Variants in ATP6V0A1 observed in about 807,000 individuals in gnomAD.
The protein encoded by ATP6V0A1 is ATPase H+ transporting V0 subunit a1.
Under a neutral mutation model 105.4 loss-of-function variants are expected in ATP6V0A1, and 43 were observed. That is an observed-to-expected ratio of 0.41 (90% CI 0.32 to 0.53). The LOEUF is 0.53. ATP6V0A1 is among the 20% of genes least tolerant of loss of function. The pLI is 0.30. For synonymous variants in ATP6V0A1, 362 were observed against 372.8 expected, an observed-to-expected ratio of 0.97 and a Z score of 0.33; for missense variants, 676 against 1,051.1, an observed-to-expected ratio of 0.64 and a Z score of 4.93.
intron 17 of ATP6V0A1, among the ~76,000 whole-genome samples, chr17:42,505,032 A>G (rs2091928162): frequency 6.7e-6 from 1 of 149,838 alleles, no homozygotes; most frequent in Non-Finnish European, 1.5e-5. Context: ...CATAGTGATA[A>G]TCACTTTTTT....
rs564390158 is a variant in ATP6V0A1 at position 42,496,718 on chromosome 17, G to T, written c.1560+1002G>T. Among the ~76,000 whole-genome samples, 246 of 152,194 alleles carry T rather than the reference G, an allele frequency of 1.6e-3. 2 individuals are homozygous for T. The highest frequency in any genetic ancestry group is 3.6e-3 in the Admixed American group (55 of 15,278). ...TAGCTGGGCACGGTGGCATATGCCT[G>T]TAGTCCCAGCTACAGGAGGCTGTGG... is the stretch of plus-strand genomic sequence containing the variant. On this transcript the variant is annotated intron_variant, in intron 14 of 21. Transcript: ENST00000343619.
intron 14 of ATP6V0A1, chr17:42,496,451 G>A (rs2091188695): frequency 6.6e-6 from 1 of 151,722 alleles, no homozygotes; most frequent in African/African-American, 2.4e-5. Flanking sequence ...AAATGCTTAG[G>A]CAAATTAAGT....
Position 42,468,041 on chromosome 17 carries a change from C to T in ATP6V0A1, c.228C>T (p.Asn76=). 1 of 1,605,132 alleles carries T rather than the reference C, an allele frequency of 6.2e-7. No homozygotes were observed. Among genetic ancestry groups the T allele is most frequent in the Non-Finnish European group, 8.5e-7 (1 of 1,175,696 alleles). The part of the protein sequence containing the change: ...RFVEKEIRKA[N]IPIMDTGENP... ...TTGAGAAAGAGATAAGAAAAGCTAA[C>T]ATTCCGATTATGGACACCGGTGAAA... The change falls in exon 4 of 22, where the codon AAC becomes AAT. Residue 76 remains asparagine (N), a synonymous_variant. Transcript: ENST00000343619.
intron 15 of ATP6V0A1, among the ~76,000 whole-genome samples, chr17:42,499,362 T>C (rs1490057695): frequency 6.6e-6 from 1 of 151,708 alleles, no homozygotes; most frequent in Non-Finnish European, 1.5e-5. Context: ...TCCCAGCTAT[T>C]CGGGAGGCTG....
chr17:42,468,720 T>G (rs1196467098), intron 4 of ATP6V0A1, among the ~76,000 whole-genome samples: 1 of 152,210 alleles, frequency 6.6e-6, no homozygotes, highest in Non-Finnish European at 1.5e-5. Context: ...ATTTTATTCT[T>G]TTTTTATGGC....
Position 42,514,432 on chromosome 17 carries a change from G to A in ATP6V0A1, c.2392G>A (p.Ala798Thr). Residue 798 changes from alanine to threonine, a missense_variant, in exon 21 of 22, where the codon GCC (alanine) becomes ACC (threonine). Physicochemically the swap from Ala to Thr is moderately conservative, Grantham distance 58 (BLOSUM62 0). Coordinates refer to ENST00000343619, the MANE Select transcript of ATP6V0A1 (RefSeq NM_001130021.3). ...CCTCCTGATCATGGAGGGCCTCTCG[G>A]CCTTTCTCCACGCACTGCGCTTACA... ...AILLIMEGLS[A>T]FLHALRLHWV... 1 of 1,609,844 alleles carries A rather than the reference G, an allele frequency of 6.2e-7. No homozygotes were observed. The highest frequency in any genetic ancestry group is 8.5e-7 in the Non-Finnish European group (1 of 1,177,926).
At position 42,461,849 on chromosome 17, in the gene ATP6V0A1, A is replaced by G. The variant is rs2086443509; in HGVS notation, c.117+838A>G. 3.9e-5 allele frequency among the ~76,000 whole-genome samples: 6 copies of G among 152,062 alleles called. 1 individual carries two copies. The South Asian group carries it at 1.2e-3, about 32-fold the overall frequency. ...CTGGTCCTATGTTGTCCCTCTGCTTAACATCTATTGGCTCTATTCAGCCTT... is the reference window on the plus strand; with the variant it reads ...CTGGTCCTATGTTGTCCCTCTGCTTGACATCTATTGGCTCTATTCAGCCTT... On this transcript the variant is annotated intron_variant, in intron 2 of 21. Coordinates refer to ENST00000343619, the MANE Select transcript of ATP6V0A1 (RefSeq NM_001130021.3).
chr17:42,470,255 ATAT>A (rs771331207), intron 5 of ATP6V0A1, 37 bp downstream of exon 5: 5 of 1,605,506 alleles, frequency 3.1e-6, no homozygotes, highest in Admixed American at 1.7e-5. Context: ...TGAGCAGCTG[ATAT>A]TATACTCACA....
At chr17:42,506,809 G>A (rs139039009) in intron 17 of ATP6V0A1, among the ~76,000 whole-genome samples, 68 of 152,296 alleles carry the variant, frequency 4.5e-4, no homozygotes, top group African/African-American at 1.6e-3. Context: ...GACTGTGTTT[G>A]TGAACTCAGA....
intron 21 of ATP6V0A1, chr17:42,520,251 G>A (rs569474482): frequency 1.0e-4 from 36 of 356,314 alleles, no homozygotes; most frequent in South Asian, 7.7e-4. Flanking sequence ...CCCTTATTTG[G>A]TGTGGTTTGG....
chr17:42,521,104 G>A lies in ATP6V0A1; in HGVS notation c.2498G>A (p.Gly833Glu). 1 of 1,609,342 alleles carries A rather than the reference G, an allele frequency of 6.2e-7. No homozygotes were observed. The highest frequency in any genetic ancestry group is 1.1e-5 in the South Asian group (1 of 90,418). ...LPFSFEHIRE[G>E]KFEE is the part of the protein sequence containing the mutation. ...TTCTCCTTCGAGCATATTCGGGAAG[G>A]GAAGTTTGAAGAGTGAGTCCCTGTG... The change falls in exon 22 of 22, where the codon GGG becomes GAG. Residue 833 changes from glycine to glutamate, a missense_variant. Coordinates refer to ENST00000343619, the MANE Select transcript of ATP6V0A1 (RefSeq NM_001130021.3). The surrounding 1 kb of genome is among the most constrained non-coding windows in gnomAD (Gnocchi z 4.8).
At chr17:42,488,645 TAG>T (rs1487662249) in intron 10 of ATP6V0A1, among the ~76,000 whole-genome samples, 2 of 152,110 alleles carry the variant, frequency 1.3e-5, no homozygotes, top group Non-Finnish European at 2.9e-5. Flanking sequence ...TAATTTTTTG[TAG>T]AGACAGGGTT....
intron 4 of ATP6V0A1, among the ~76,000 whole-genome samples, chr17:42,469,481 C>T (rs183850397): frequency 6.6e-6 from 1 of 151,460 alleles, no homozygotes; most frequent in Non-Finnish European, 1.5e-5. Context: ...CAGGCATGCA[C>T]CACTGCACCC....
At chr17:42,469,955 C>A in intron 4 of ATP6V0A1, 135 bp from the exon 5 acceptor site, 2 of 914,102 alleles carry the variant, frequency 2.2e-6, no homozygotes, top group African/African-American at 1.7e-5. Flanking sequence ...CTAGTAAAAT[C>A]ACAGTATTTG....
chr17:42,483,793 G>A (rs1320226887), intron 9 of ATP6V0A1, among the ~76,000 whole-genome samples: 1 of 152,160 alleles, frequency 6.6e-6, no homozygotes. Context: ...TGTTGGCCAG[G>A]CTGGTCTCAA....
At chr17:42,487,129 C>T (rs2090183565) in intron 9 of ATP6V0A1, 26 bp from the exon 10 acceptor site, 1 of 1,610,304 alleles carries the variant, frequency 6.2e-7, no homozygotes, top group African/African-American at 1.3e-5. Flanking sequence ...AAAAGGATCC[C>T]TCGCTTGTTC....
chr17:42,506,794 C>G (rs1211677097), intron 17 of ATP6V0A1, among the ~76,000 whole-genome samples: 3 of 152,114 alleles, frequency 2.0e-5, no homozygotes, highest in Non-Finnish European at 4.4e-5. Context: ...GGAGACCCTA[C>G]AAAAGACTGT....
At chr17:42,518,153 C>G (rs2092703306) in intron 21 of ATP6V0A1, 1 of 152,238 alleles carries the variant, frequency 6.6e-6, no homozygotes, top group African/African-American at 2.4e-5. Flanking sequence ...CTGTAAACAT[C>G]AAACTGATTT....
At chr17:42,504,850 C>T (rs1318505735) in intron 17 of ATP6V0A1, among the ~76,000 whole-genome samples, 1 of 152,142 alleles carries the variant, frequency 6.6e-6, no homozygotes, top group African/African-American at 2.4e-5. Flanking sequence ...GCATTGTTAA[C>T]AGGTGGGGGC....
Sources: gnomAD v4.1 joint callset for allele counts (sites outside exome capture counted in the v4.1 genomes callset) on GRCh38, gnomAD v4.1.1 for gene constraint, Gnocchi (gnomAD v3.1) non-coding constraint, MANE v1.5 for transcripts, NCBI Gene and HGNC (gene_info 2026-07-23, HGNC 2026-07-21) for gene names.